C12orf42: variants seen among roughly 807,000 people sequenced by gnomAD.
C12orf42 encodes uncharacterized protein C12orf42.
C12orf42 carries 25 observed loss-of-function variants against 21.6 expected under a neutral mutation model. The ratio of observed to expected loss-of-function variants is 1.16; its 90% CI spans 0.84 to 1.62. The LOEUF is 1.62. Ranked by LOEUF, C12orf42 falls within the 40% of genes most tolerant of loss-of-function variation. The probability of loss-of-function intolerance (pLI) is 0.00; values close to 1 mark genes in which losing one functional copy is unlikely to be tolerated. For synonymous variants in C12orf42, 174 were observed against 175.0 expected (o/e 0.99, Z 0.05); for missense variants, 483 against 459.3 (o/e 1.05, Z -0.47).
At chr12:103,503,500 T>A in the C12orf42 span, 1 of 152,310 alleles carries the variant, frequency 6.6e-6, no homozygotes, top group African/African-American at 2.4e-5. Flanking sequence ...CAGCCAAGTA[T>A]AAGGACCCTG....
At chr12:103,334,060 T>A (rs2137098684) in intron 4 of C12orf42, among the ~76,000 whole-genome samples, 1 of 152,368 alleles carries the variant, frequency 6.6e-6, no homozygotes, top group Admixed American at 6.5e-5. Context: ...AATGCTGAGT[T>A]AATTTCTAAT....
At chr12:103,116,024 C>T in the C12orf42 span, among the ~76,000 whole-genome samples, 2 of 152,204 alleles carry the variant, frequency 1.3e-5, no homozygotes, top group East Asian at 3.9e-4. Flanking sequence ...ATTTTTACTG[C>T]CAAAATGGGG....
chr12:103,394,873 T>C (rs975245541), intron 3 of C12orf42, among the ~76,000 whole-genome samples: 1 of 152,102 alleles, frequency 6.6e-6, no homozygotes, highest in Non-Finnish European at 1.5e-5. Flanking sequence ...GTGGGAGATA[T>C]GGTACAAAGG....
chr12:103,185,471 C>CCCTTCCTT, the C12orf42 span, among the ~76,000 whole-genome samples: 53 of 151,632 alleles, frequency 3.5e-4, no homozygotes, highest in Middle Eastern at 3.4e-3. Context: ...CCTTCTTTTT[C>CCCTTCCTT]CCTTCCTTCC....
At chr12:103,518,498 G>A in the C12orf42 span, among the ~76,000 whole-genome samples, 1 of 152,274 alleles carries the variant, frequency 6.6e-6, no homozygotes, top group South Asian at 2.1e-4. Flanking sequence ...ACTCCCACAT[G>A]TGACGACATT....
intron 5 of C12orf42, 117 bp from the exon 6 acceptor site, chr12:103,302,676 G>GAAATA: frequency 1.8e-6 from 1 of 570,608 alleles, no homozygotes. Context: ...GCTCAGAGGG[G>GAAATA]AAAGAAAAAA....
At chr12:103,331,163 CT>C (rs1011122965) in intron 4 of C12orf42, among the ~76,000 whole-genome samples, 2 of 152,290 alleles carry the variant, frequency 1.3e-5, no homozygotes, top group Admixed American at 6.5e-5. Flanking sequence ...ATAGGTTAGC[CT>C]AGACTACCTT....
intron 2 of C12orf42, among the ~76,000 whole-genome samples, chr12:103,409,727 A>G (rs1339138078): frequency 6.6e-6 from 1 of 152,186 alleles, no homozygotes; most frequent in Non-Finnish European, 1.5e-5. Context: ...TTTTTTCCCT[A>G]CCAAAAAATA....
the C12orf42 span, chr12:103,162,795 G>A: frequency 6.6e-6 from 1 of 152,098 alleles, no homozygotes; most frequent in Non-Finnish European, 1.5e-5. Flanking sequence ...AACATAAAGT[G>A]AGCTGAATGA....
chr12:103,147,720 G>A, the C12orf42 span, among the ~76,000 whole-genome samples: 4 of 147,966 alleles, frequency 2.7e-5, no homozygotes, highest in Admixed American at 6.8e-5. Flanking sequence ...CACTTGGAAT[G>A]TTGGTACAGT....
At chr12:103,394,467 GAA>G (rs1337264633) in intron 3 of C12orf42, among the ~76,000 whole-genome samples, 12 of 152,156 alleles carry the variant, frequency 7.9e-5, no homozygotes, top group Admixed American at 7.9e-4. Context: ...AGTTGCTGTG[GAA>G]AAGATGCAGT....
intron 4 of C12orf42, among the ~76,000 whole-genome samples, chr12:103,367,248 G>T (rs774633214): frequency 6.6e-6 from 1 of 151,952 alleles, no homozygotes; most frequent in Non-Finnish European, 1.5e-5. Flanking sequence ...AAGCTATGAG[G>T]ATGCTAAGGC....
chr12:103,256,470 G>A (rs2034623614), intron 10 of C12orf42, among the ~76,000 whole-genome samples: 1 of 150,300 alleles, frequency 6.7e-6, no homozygotes, highest in African/African-American at 2.5e-5. Flanking sequence ...CATCTGTGAA[G>A]GAGAAAGTAG....
At chr12:103,136,833 C>T in the C12orf42 span, among the ~76,000 whole-genome samples, 1 of 152,110 alleles carries the variant, frequency 6.6e-6, no homozygotes, top group Non-Finnish European at 1.5e-5. Context: ...TTGCCATATG[C>T]AAAATGATAA....
intron 2 of C12orf42, among the ~76,000 whole-genome samples, chr12:103,433,405 G>T (rs917616492): frequency 1.3e-5 from 2 of 152,194 alleles, no homozygotes; most frequent in East Asian, 3.8e-4. Flanking sequence ...TGAACTCATT[G>T]TTCAACCTCA....
chr12:103,280,865 A>T (rs545713606), intron 4 of C12orf42, among the ~76,000 whole-genome samples: 1 of 152,156 alleles, frequency 6.6e-6, no homozygotes, highest in African/African-American at 2.4e-5. Context: ...TGACTTGCAG[A>T]TCACCCAGCC....
chr12:103,552,342 T>C, the C12orf42 span, among the ~76,000 whole-genome samples: 22 of 152,190 alleles, frequency 1.4e-4, no homozygotes, highest in African/African-American at 5.1e-4. Context: ...CCTTGAGTTT[T>C]CCCTTTAAGC....
At chr12:103,218,767 C>T in the C12orf42 span, among the ~76,000 whole-genome samples, 3 of 152,248 alleles carry the variant, frequency 2.0e-5, no homozygotes, top group South Asian at 2.1e-4. Context: ...GCTATTTGTC[C>T]TTTCTGGTCA....
rs200381109 is a variant in C12orf42 at position 103,486,843 on chromosome 12, TTC to T, written c.-21-8398_-21-8397del. 6.8e-3 allele frequency among the ~76,000 whole-genome samples: 1,039 copies of T among 152,326 alleles called. 6 individuals carry two copies. The highest frequency in any genetic ancestry group is 0.011 in the Non-Finnish European group (723 of 68,036). The stretch of plus-strand genomic sequence containing the variant: ...ATTTTTTATTGAGTCTATTTGATTC[TTC>T]TCTCTTTTCTTATTAGTCTTGCTAG... On this transcript the variant is annotated intron_variant, in intron 1 of 5. Transcript: ENST00000548883.
Sources: gnomAD v4.1 joint callset for allele counts (sites outside exome capture counted in the v4.1 genomes callset) on GRCh38, gnomAD v4.1.1 for gene constraint, MANE v1.5 for transcripts, NCBI Gene and HGNC (gene_info 2026-07-23, HGNC 2026-07-21) for gene names.